NKAIN3: variants seen among roughly 807,000 people sequenced by gnomAD.
The protein encoded by NKAIN3 is sodium/potassium-transporting ATPase subunit beta-1-interacting protein 3.
In NKAIN3, 25 loss-of-function variants were observed where a neutral mutation model predicts 30.2. That is an observed-to-expected ratio of 0.83 (90% CI 0.60 to 1.16). The LOEUF (loss-of-function observed/expected upper bound fraction) is 1.16, where lower values mean the gene tolerates loss of function less well. Ranked by LOEUF, NKAIN3 falls within the 50% of genes most tolerant of loss-of-function variation. The pLI, the probability that NKAIN3 is intolerant of heterozygous loss-of-function variation, is 0.00. For synonymous variants in NKAIN3, 91 were observed against 89.6 expected, an observed-to-expected ratio of 1.02 and a Z score of -0.09; for missense variants, 225 against 254.1, an observed-to-expected ratio of 0.89 and a Z score of 0.78.
At chr8:62,625,822 T>C (rs1811771371) in intron 3 of NKAIN3, among the ~76,000 whole-genome samples, 2 of 152,050 alleles carry the variant, frequency 1.3e-5, no homozygotes, top group Non-Finnish European at 2.9e-5. Flanking sequence ...GACCACTGTT[T>C]TCCCACCATT....
intron 1 of NKAIN3, among the ~76,000 whole-genome samples, chr8:62,382,763 G>A (rs1189754460): frequency 6.6e-6 from 1 of 152,114 alleles, no homozygotes; most frequent in Non-Finnish European, 1.5e-5. Context: ...TGTGGTGGCT[G>A]TTAGCTCTTT....
In NKAIN3 at chr8:62,819,135, A is replaced by T. The variant is rs58097553; in HGVS notation, c.471+72006A>T. Among the ~76,000 whole-genome samples the T allele has an allele frequency of 1.8e-3, 76 of 41,668 alleles. No individual in the cohort carries two copies. In the South Asian group the frequency reaches 0.022, roughly 12 times the overall value. The allele number at this position is 41,668 out of a possible 152,430, so 27.3% of individuals were successfully genotyped here. A position where few individuals can be genotyped will look rare whatever the true frequency, so the allele number is the denominator to read the frequency against. ...TACTGGGAGTTACAGAATTATCGTT[A>T]TATATATATATATATACATATATAT... On this transcript the variant is annotated intron_variant, in intron 4 of 6. Transcript: ENST00000623646.
chr8:62,735,374 CTTTCTTTTTTT>C (rs961083299), intron 3 of NKAIN3, among the ~76,000 whole-genome samples: 34 of 9,890 alleles, frequency 3.4e-3, no homozygotes, highest in African/African-American at 4.7e-3. Context: ...TTCTTTCTTT[CTTTCTTTTTTT>C]TTTTTTTTTG....
chr8:62,955,791 C>CA (rs1563644444), intron 6 of NKAIN3, among the ~76,000 whole-genome samples: 1 of 152,150 alleles, frequency 6.6e-6, no homozygotes, highest in Non-Finnish European at 1.5e-5. Context: ...CAAAAACACC[C>CA]AAAACATACT....
chr8:62,933,052 C>T (rs1822670839), intron 5 of NKAIN3, among the ~76,000 whole-genome samples: 1 of 147,426 alleles, frequency 6.8e-6, no homozygotes, highest in African/African-American at 2.5e-5. Context: ...GAATTGATAC[C>T]TTGTCACATC....
intron 4 of NKAIN3, among the ~76,000 whole-genome samples, chr8:62,752,719 A>C (rs1461506177): frequency 6.6e-6 from 1 of 152,182 alleles, no homozygotes; most frequent in Non-Finnish European, 1.5e-5. Context: ...AACTGTACTG[A>C]GTGCAGAGTG....
At chr8:62,539,575 TTTTGTTTG>T (rs915019042) in intron 1 of NKAIN3, among the ~76,000 whole-genome samples, 1 of 152,052 alleles carries the variant, frequency 6.6e-6, no homozygotes, top group South Asian at 2.1e-4. Flanking sequence ...TGGGTGGTGT[TTTTGTTTG>T]TTTGTTTGTT....
chr8:62,390,378 G>T (rs570154538), intron 1 of NKAIN3, among the ~76,000 whole-genome samples: 1 of 152,174 alleles, frequency 6.6e-6, no homozygotes, highest in Non-Finnish European at 1.5e-5. Context: ...ACATGAGCTT[G>T]TTCTTTTTTT....
intron 5 of NKAIN3, among the ~76,000 whole-genome samples, chr8:62,944,172 C>T (rs908681642): frequency 1.3e-5 from 2 of 152,006 alleles, no homozygotes; most frequent in Admixed American, 6.6e-5. Context: ...ATATATATAA[C>T]TATTATTTCC....
At chr8:62,744,951 C>T (rs1312262672) in intron 3 of NKAIN3, among the ~76,000 whole-genome samples, 1 of 152,160 alleles carries the variant, frequency 6.6e-6, no homozygotes, top group African/African-American at 2.4e-5. Flanking sequence ...TATAATGATA[C>T]TTTGAATTCC....
At chr8:62,794,302 T>C (rs1182510242) in intron 4 of NKAIN3, among the ~76,000 whole-genome samples, 1 of 152,204 alleles carries the variant, frequency 6.6e-6, no homozygotes, top group African/African-American at 2.4e-5. Flanking sequence ...AAATAAATCA[T>C]GAGACAAATG....
chr8:62,466,455 A>G (rs1030475670), intron 1 of NKAIN3, among the ~76,000 whole-genome samples: 1 of 152,184 alleles, frequency 6.6e-6, no homozygotes, highest in African/African-American at 2.4e-5. Flanking sequence ...GAAAGGTCCA[A>G]AATAAATGTC....
At chr8:62,864,938 TG>T (rs1820373268) in intron 4 of NKAIN3, among the ~76,000 whole-genome samples, 1 of 152,078 alleles carries the variant, frequency 6.6e-6, no homozygotes, top group African/African-American at 2.4e-5. Context: ...GCGGCGTGTA[TG>T]GCATTTGAGC....
At chr8:62,630,393 T>A (rs1382926461) in intron 3 of NKAIN3, among the ~76,000 whole-genome samples, 1 of 152,152 alleles carries the variant, frequency 6.6e-6, no homozygotes, top group Non-Finnish European at 1.5e-5. Context: ...CAGACAATTA[T>A]AATGGGATTT....
intron 4 of NKAIN3, among the ~76,000 whole-genome samples, chr8:62,785,435 G>A (rs1817483558): frequency 6.6e-6 from 1 of 152,130 alleles, no homozygotes; most frequent in Non-Finnish European, 1.5e-5. Context: ...GTGAGGAGGA[G>A]GAGAGATGGA....
At chr8:62,986,406 C>T (rs1326167723), downstream of NKAIN3, among the ~76,000 whole-genome samples, 1 of 152,136 alleles carries the variant, frequency 6.6e-6, no homozygotes, top group African/African-American at 2.4e-5. Flanking sequence ...GTCCTCCTCT[C>T]CAGCCCACTA....
chr8:62,368,582 G>C (rs1025963102), intron 1 of NKAIN3, among the ~76,000 whole-genome samples: 1 of 151,956 alleles, frequency 6.6e-6, no homozygotes, highest in Non-Finnish European at 1.5e-5. Context: ...CATGAAGGGG[G>C]GCTTCTCCGG....
At chr8:62,529,134 T>C (rs1478219774) in intron 1 of NKAIN3, among the ~76,000 whole-genome samples, 1 of 152,180 alleles carries the variant, frequency 6.6e-6, no homozygotes, top group Non-Finnish European at 1.5e-5. Flanking sequence ...TAGAGCTGAA[T>C]GTAATCCTGT....
intron 1 of NKAIN3, among the ~76,000 whole-genome samples, chr8:62,433,956 T>C (rs1427414290): frequency 6.6e-6 from 1 of 152,044 alleles, no homozygotes; most frequent in Non-Finnish European, 1.5e-5. Flanking sequence ...CACCATATCT[T>C]TATTAAGCAT....
Sources: gnomAD v4.1 joint callset for allele counts (sites outside exome capture counted in the v4.1 genomes callset) on GRCh38, gnomAD v4.1.1 for gene constraint, MANE v1.5 for transcripts, NCBI Gene and HGNC (gene_info 2026-07-23, HGNC 2026-07-21) for gene names.